SLC30A6: variants seen among roughly 807,000 people sequenced by gnomAD.
SLC30A6 encodes solute carrier family 30 member 6, also known as zinc transporter 6.
Under a neutral mutation model 63.0 loss-of-function variants are expected in SLC30A6, and 55 were observed. The ratio of observed to expected loss-of-function variants is 0.87; its 90% CI spans 0.70 to 1.09. The LOEUF is 1.09. SLC30A6 is among the 50% of genes least tolerant of loss of function. SLC30A6 has a pLI of 0.00. For missense variants in SLC30A6, 587 were observed against 549.2 expected, an observed-to-expected ratio of 1.07 and a Z score of -0.69; for synonymous variants, 224 against 186.1, an observed-to-expected ratio of 1.20 and a Z score of -1.66.
intron 10 of SLC30A6, chr2:32,201,555 G>C: frequency 9.2e-7 from 1 of 1,092,890 alleles, no homozygotes; most frequent in Non-Finnish European, 1.3e-6. Context: ...CTGCATGTAG[G>C]TGGTTGTGGC....
At chr2:32,207,917 C>G (rs1016639400) in intron 12 of SLC30A6, among the ~76,000 whole-genome samples, 2 of 151,670 alleles carry the variant, frequency 1.3e-5, no homozygotes, top group African/African-American at 2.4e-5. Context: ...CCAGGCTGGT[C>G]TTGAACTCCT....
chr2:32,198,947 C>T (rs1235265018), intron 10 of SLC30A6, among the ~76,000 whole-genome samples: 1 of 152,128 alleles, frequency 6.6e-6, no homozygotes, highest in African/African-American at 2.4e-5. Context: ...CCTTTTTCCT[C>T]CTGCCTTCCT....
intron 11 of SLC30A6, 93 bp downstream of exon 11, chr2:32,204,785 AT>A: frequency 2.0e-6 from 1 of 489,098 alleles, no homozygotes; most frequent in Non-Finnish European, 3.2e-6. Context: ...AGATTGTGAA[AT>A]TTTTATTTTT....
chr2:32,197,845 T>G lies in SLC30A6; in HGVS notation c.665+19T>G. ...AAATTAAGTGAGTATTTTTTATTGT[T>G]GTCAAGTATGTTTTGATTTCTGGGG... is the stretch of plus-strand genomic sequence containing the variant. On this transcript the variant is annotated intron_variant, in intron 10 of 13. Transcript: ENST00000282587. The G allele has an allele frequency of 6.2e-7, 1 of 1,612,430 alleles. No individual in the cohort carries two copies. Among genetic ancestry groups the G allele is most frequent in the Non-Finnish European group, 8.5e-7 (1 of 1,179,278 alleles).
chr2:32,189,968 T>C (rs575988539), intron 5 of SLC30A6, among the ~76,000 whole-genome samples: 18 of 152,242 alleles, frequency 1.2e-4, no homozygotes, highest in Admixed American at 8.5e-4. Context: ...TTTTAAGTTA[T>C]TTTCCTTATG....
At chr2:32,174,800 C>G (rs554866141) in intron 3 of SLC30A6, among the ~76,000 whole-genome samples, 1 of 152,120 alleles carries the variant, frequency 6.6e-6, no homozygotes, top group South Asian at 2.1e-4. Context: ...GATCCACCCG[C>G]CTCAGCCTCC....
At chr2:32,185,355 CAAA>C (rs35740497) in intron 5 of SLC30A6, among the ~76,000 whole-genome samples, 1 of 112,370 alleles carries the variant, frequency 8.9e-6, no homozygotes, top group African/African-American at 3.4e-5. Flanking sequence ...GACCCTGTCT[CAAA>C]AAAAAAAAAA....
chr2:32,169,620 T>C (rs1681007763), intron 1 of SLC30A6, among the ~76,000 whole-genome samples: 1 of 151,632 alleles, frequency 6.6e-6, no homozygotes, highest in African/African-American at 2.4e-5. Context: ...CTACTAAAGG[T>C]AAAAAAAAAT....
At chr2:32,217,272 A>C (rs1279312055) in intron 13 of SLC30A6, among the ~76,000 whole-genome samples, 5 of 152,206 alleles carry the variant, frequency 3.3e-5, no homozygotes, top group African/African-American at 1.2e-4. Context: ...GTCCAGCTTC[A>C]TTCTTCTGCA....
intron 5 of SLC30A6, among the ~76,000 whole-genome samples, chr2:32,187,589 C>T (rs1043505408): frequency 1.3e-5 from 2 of 152,206 alleles, no homozygotes; most frequent in Non-Finnish European, 2.9e-5. Flanking sequence ...TATCTGGAGA[C>T]TTCAAAATCC....
Position 32,204,684 on chromosome 2 carries a change from T to C in SLC30A6, c.760T>C (p.Leu254=). The change falls in exon 11 of 14, where the codon TTA becomes CTA. Residue 254 remains leucine (L), a synonymous_variant. Transcript: ENST00000282587. ...YPMSVYSGKV[L]LQTTPPHVIG... ...CATGAGTGTGTACAGTGGGAAAGTC[T>C]TACTCCAGGTAAGGTGCTTCTTCCA... 6.3e-7 allele frequency: 1 copy of C among 1,599,018 alleles called. No homozygotes were observed.
chr2:32,205,358 T>A (rs1027881532), intron 11 of SLC30A6, among the ~76,000 whole-genome samples: 1 of 151,786 alleles, frequency 6.6e-6, no homozygotes, highest in Non-Finnish European at 1.5e-5. Flanking sequence ...GAGGCGGAGG[T>A]TGCAGTGAGC....
At chr2:32,194,252 T>C (rs1458077624) in intron 8 of SLC30A6, among the ~76,000 whole-genome samples, 1 of 152,208 alleles carries the variant, frequency 6.6e-6, no homozygotes, top group Non-Finnish European at 1.5e-5. Flanking sequence ...ATTTACCAAA[T>C]AATGTGAGAT....
rs370830313 is a variant in SLC30A6, at chr2:32,210,439, C to G, written c.885+878C>G. Among the ~76,000 whole-genome samples, 8 of 137,902 alleles carry G rather than the reference C, an allele frequency of 5.8e-5. No homozygotes were observed. In the East Asian group the frequency reaches 1.9e-3, roughly 33 times the overall value. 90.5% of individuals were successfully genotyped at this position (137,902 alleles called of 152,430 possible). On this transcript the variant is annotated intron_variant, in intron 13 of 13. Transcript: ENST00000282587. ...CTGAGGCAGGAGAATCTCTTGAACC[C>G]GGGAGGCAGAGGTTGCAGTGAGCCG...
chr2:32,170,962 A>G (rs559915233), intron 1 of SLC30A6, among the ~76,000 whole-genome samples: 8 of 152,256 alleles, frequency 5.3e-5, no homozygotes, highest in African/African-American at 1.7e-4. Context: ...TTGGCAAACT[A>G]TTTCTTTTTC....
rs1302183218 is a variant in SLC30A6 at position 32,193,874 on chromosome 2, CGTT to C, written c.402-11_402-9del. On this transcript the variant is annotated splice_polypyrimidine_tract_variant and intron_variant, in intron 7 of 13. Transcript: ENST00000282587. ...AGAACAAATTAAAGGTGAATGTTAT[CGTT>C]GTTCTTTTTAGGGGAAGATTATTAG... 1.9e-6 allele frequency: 3 copies of C among 1,589,726 alleles called. No homozygotes were observed. The highest frequency in any genetic ancestry group is 2.7e-5 in the African/African-American group (2 of 74,368).
Position 32,197,917 on chromosome 2 carries a change from A to G in SLC30A6, c.665+91A>G, listed in dbSNP as rs190556462. 215 of 1,496,010 alleles carry G rather than the reference A, an allele frequency of 1.4e-4. 2 individuals are homozygous for G. In the East Asian group the frequency reaches 3.8e-3, roughly 26 times the overall value. 92.7% of individuals were successfully genotyped at this position (1,496,010 alleles called of 1,614,324 possible). A position where few individuals can be genotyped will look rare whatever the true frequency, so the allele number is the denominator to read the frequency against. ...CAGGATGGATAGTGGTCAAGCTTCT[A>G]GCAGTTTCGCTTATGTCCTGTGTAA... On this transcript the variant is annotated intron_variant, in intron 10 of 13. Transcript: ENST00000282587.
chr2:32,197,727 G>T lies in SLC30A6; in HGVS notation c.566G>T (p.Gly189Val). 1 of 1,614,036 alleles carries T rather than the reference G, an allele frequency of 6.2e-7. No homozygotes were observed. The highest frequency in any genetic ancestry group is 1.1e-5 in the South Asian group (1 of 91,072). The change falls in exon 10 of 14, where the codon GGA becomes GTA. Residue 189 changes from glycine (G) to valine (V), a missense_variant. Physicochemically the swap from Gly to Val is moderately radical, Grantham distance 109 (BLOSUM62 -3). Transcript: ENST00000282587. The stretch of plus-strand genomic sequence containing the variant: ...CTTAGCTTGTGTGGAATTATTCCGG[G>T]ACTTAGCAGTATCTTCCTTCCCCGA... ...LSRSLCGIIP[G>V]LSSIFLPRMN...
intron 9 of SLC30A6, 125 bp from the exon 10 acceptor site, chr2:32,197,582 A>G (rs564933236): frequency 1.1e-5 from 15 of 1,423,920 alleles, no homozygotes; most frequent in African/African-American, 1.0e-4. Flanking sequence ...TTGTTCACAA[A>G]TCCTCTTTGC....
Sources: gnomAD v4.1 joint callset for allele counts (sites outside exome capture counted in the v4.1 genomes callset) on GRCh38, gnomAD v4.1.1 for gene constraint, MANE v1.5 for transcripts, NCBI Gene and HGNC (gene_info 2026-07-23, HGNC 2026-07-21) for gene names.